The following VRK2 variants were observed in gnomAD, a reference collection of about 807,000 sequenced individuals.
VRK2 encodes the protein serine/threonine-protein kinase VRK2.
A neutral mutation model predicts 57.6 loss-of-function variants in VRK2; 60 were observed. The ratio of observed to expected loss-of-function variants is 1.04; its 90% CI spans 0.85 to 1.29. The LOEUF (loss-of-function observed/expected upper bound fraction) is 1.29. Ranked by LOEUF, VRK2 falls within the 50% of genes most tolerant of loss-of-function variation. VRK2 has a pLI of 0.00. For missense variants in VRK2, 705 were observed against 588.1 expected, an observed-to-expected ratio of 1.20 and a Z score of -2.06; for synonymous variants, 231 against 199.2, an observed-to-expected ratio of 1.16 and a Z score of -1.35.
intron 1 of VRK2, among the ~76,000 whole-genome samples, chr2:57,935,277 A>T (rs148043825): frequency 6.6e-6 from 1 of 151,894 alleles, no homozygotes; most frequent in African/African-American, 2.4e-5. Context: ...ACTGTCTCAG[A>T]TCTTTTCTGT....
chr2:57,950,827 C>T (rs184510617), intron 1 of VRK2, among the ~76,000 whole-genome samples: 1 of 152,230 alleles, frequency 6.6e-6, no homozygotes, highest in African/African-American at 2.4e-5. Context: ...GGCATGGTGG[C>T]TCATGCCTGT....
chr2:57,913,795 A>C (rs1314619700), intron 1 of VRK2, among the ~76,000 whole-genome samples: 1 of 152,094 alleles, frequency 6.6e-6, no homozygotes, highest in African/African-American at 2.4e-5. Context: ...TTTCATGCCA[A>C]ACTGTAGCAT....
intron 10 of VRK2, 24 bp downstream of exon 10, chr2:58,135,223 C>T (rs774867819): frequency 6.2e-7 from 1 of 1,613,510 alleles, no homozygotes; most frequent in Non-Finnish European, 8.5e-7. Context: ...TAACTTCAAC[C>T]TTCTCTTACG....
At chr2:58,011,441 G>C (rs1673415879) in intron 1 of VRK2, among the ~76,000 whole-genome samples, 1 of 152,102 alleles carries the variant, frequency 6.6e-6, no homozygotes, top group Non-Finnish European at 1.5e-5. Context: ...TCTATCCAAG[G>C]CTGTCAGCAG....
chr2:58,115,768 G>C (rs925505337), intron 7 of VRK2, among the ~76,000 whole-genome samples: 1 of 152,168 alleles, frequency 6.6e-6, no homozygotes, highest in Admixed American at 6.5e-5. Context: ...CTGAAGTAAC[G>C]GGGGCTGTCT....
Position 57,958,191 on chromosome 2 carries a change from G to C in VRK2, c.-439+50352G>C, listed in dbSNP as rs180698496. ...CTGATGGATATTTTTGTTATGTTTT[G>C]TTTTTAATGTCTTTGAATTTGTGAC... On this transcript the variant is annotated intron_variant, in intron 1 of 15. Coordinates refer to the VRK2 transcript ENST00000417641. 1.7e-3 allele frequency among the ~76,000 whole-genome samples: 257 copies of C among 152,232 alleles called. 1 individual carries two copies. Among genetic ancestry groups the C allele is most frequent in the African/African-American group, 5.6e-3 (234 of 41,552 alleles).
intron 2 of VRK2, among the ~76,000 whole-genome samples, chr2:58,051,849 G>C (rs900664655): frequency 6.6e-6 from 1 of 152,146 alleles, no homozygotes; most frequent in African/African-American, 2.4e-5. Flanking sequence ...AGCTAAAAGA[G>C]TGAAAAGAAA....
chr2:58,138,596 T>A (rs1416386131), intron 10 of VRK2, among the ~76,000 whole-genome samples: 1 of 152,182 alleles, frequency 6.6e-6, no homozygotes, highest in Non-Finnish European at 1.5e-5. Context: ...TGAAACCCAG[T>A]GCCTCTGCAG....
chr2:58,012,775 G>C (rs1367060993), intron 1 of VRK2, among the ~76,000 whole-genome samples: 1 of 152,200 alleles, frequency 6.6e-6, no homozygotes, highest in Non-Finnish European at 1.5e-5. Context: ...AAAGGACAAA[G>C]ACCAAATCTA....
intron 2 of VRK2, among the ~76,000 whole-genome samples, chr2:58,055,641 A>C (rs1676407945): frequency 6.6e-6 from 1 of 152,206 alleles, no homozygotes; most frequent in South Asian, 2.1e-4. Flanking sequence ...CCAGATCTTC[A>C]ACCTGCTGCA....
At chr2:57,908,429 T>C (rs1319269537) in intron 1 of VRK2, among the ~76,000 whole-genome samples, 1 of 152,144 alleles carries the variant, frequency 6.6e-6, no homozygotes, top group Non-Finnish European at 1.5e-5. Context: ...TGTCTGTGTC[T>C]CTCTAAGAAT....
intron 3 of VRK2, among the ~76,000 whole-genome samples, chr2:58,035,255 T>C (rs180762615): frequency 5.7e-4 from 86 of 152,166 alleles, no homozygotes; most frequent in African/African-American, 1.8e-3. Flanking sequence ...AAATATTATA[T>C]TGGACATTTC....
intron 7 of VRK2, among the ~76,000 whole-genome samples, chr2:58,093,006 T>G (rs1340641896): frequency 6.6e-6 from 1 of 152,192 alleles, no homozygotes; most frequent in Non-Finnish European, 1.5e-5. Flanking sequence ...TCCTTTTTTA[T>G]GGCTGCATAG....
At chr2:58,051,242 A>AGAACCTGGACC in intron 2 of VRK2, among the ~76,000 whole-genome samples, 1 of 152,318 alleles carries the variant, frequency 6.6e-6, no homozygotes, top group East Asian at 1.9e-4. Context: ...TCTGAACTTT[A>AGAACCTGGACC]GAACCTGGAC....
rs1572803360 is a variant in VRK2 at position 58,030,503 on chromosome 2, C to T, written c.-332-2724C>T. ...TCGTTTCCTCTCACAATCTTGCCAT[C>T]ATCCTAAGCTTTGGCTTGGGCAAAA... On this transcript the variant is annotated intron_variant, in intron 2 of 15. Transcript: ENST00000417641. Among the ~76,000 whole-genome samples the T allele has an allele frequency of 3.3e-5, 5 of 152,160 alleles. 2 individuals are homozygous for T. Among genetic ancestry groups the T allele is most frequent in the Admixed American group, 3.3e-4 (5 of 15,262 alleles).
At chr2:58,107,931 A>G (rs1674994160) in intron 7 of VRK2, among the ~76,000 whole-genome samples, 2 of 151,720 alleles carry the variant, frequency 1.3e-5, no homozygotes, top group African/African-American at 2.4e-5. Context: ...CTTGCTACTC[A>G]GGATTCTCGG....
intron 7 of VRK2, among the ~76,000 whole-genome samples, chr2:58,091,525 C>T (rs1016074939): frequency 6.6e-6 from 1 of 151,196 alleles, no homozygotes; most frequent in African/African-American, 2.4e-5. Flanking sequence ...TGTATTATCA[C>T]GTTTAAAGAG....
intron 11 of VRK2, among the ~76,000 whole-genome samples, chr2:58,140,979 CATG>C (rs1681242419): frequency 6.6e-6 from 1 of 151,996 alleles, no homozygotes; most frequent in African/African-American, 2.4e-5. Context: ...ACCTTTCTCT[CATG>C]ATACAATTAG....
At chr2:57,976,632 T>C (rs892168605) in intron 1 of VRK2, among the ~76,000 whole-genome samples, 31 of 152,144 alleles carry the variant, frequency 2.0e-4, no homozygotes, top group Non-Finnish European at 1.6e-4. Flanking sequence ...CTTTGTCGCA[T>C]TCATAATTTG....
Sources: allele counts gnomAD v4.1 joint callset (sites outside exome capture counted in the v4.1 genomes callset), GRCh38; gene constraint gnomAD v4.1.1; transcripts MANE v1.5; gene names NCBI Gene and HGNC (gene_info 2026-07-23, HGNC 2026-07-21).